Variants in DTHD1 observed in about 807,000 individuals in gnomAD.
The protein encoded by DTHD1 is death domain-containing protein 1.
A neutral mutation model predicts 74.8 loss-of-function variants in DTHD1; 59 were observed. That is an observed-to-expected ratio of 0.79 (90% confidence interval 0.64 to 0.98). The LOEUF (loss-of-function observed/expected upper bound fraction) is 0.98, where lower values mean the gene tolerates loss of function less well. Among genes scored for constraint, DTHD1 ranks in the 50% least tolerant of loss-of-function variants. The pLI is 0.00. For synonymous variants in DTHD1, 365 were observed against 371.1 expected (o/e 0.98, Z 0.19); for missense variants, 1,051 against 1,065.4 (o/e 0.99, Z 0.19).
At chr4:36,338,023 T>C (rs1759106858) in intron 8 of DTHD1, among the ~76,000 whole-genome samples, 1 of 152,254 alleles carries the variant, frequency 6.6e-6, no homozygotes, top group African/African-American at 2.4e-5. Context: ...AATGTATATG[T>C]ATAGTTCTCT....
At chr4:36,286,498 C>T (rs569446319) in intron 2 of DTHD1, among the ~76,000 whole-genome samples, 15 of 152,296 alleles carry the variant, frequency 9.8e-5, no homozygotes, top group Middle Eastern at 3.4e-3. Flanking sequence ...TTGTCAATTC[C>T]CCCGTATAGC....
chr4:36,308,142 A>G (rs1757164160), intron 6 of DTHD1, 62 bp from the exon 7 acceptor site: 4 of 1,428,236 alleles, frequency 2.8e-6, no homozygotes, highest in Non-Finnish European at 3.8e-6. Context: ...GTGTTATTAG[A>G]TATCAGTGAT....
intron 8 of DTHD1, among the ~76,000 whole-genome samples, chr4:36,318,281 G>A (rs1480410816): frequency 6.6e-6 from 1 of 152,154 alleles, no homozygotes; most frequent in Non-Finnish European, 1.5e-5. Flanking sequence ...GATACAAGAT[G>A]GATTTTAGGG....
chr4:36,331,496 T>C (rs1002238711), intron 8 of DTHD1, among the ~76,000 whole-genome samples: 1 of 152,158 alleles, frequency 6.6e-6, no homozygotes, highest in Non-Finnish European at 1.5e-5. Flanking sequence ...AAAATACTAA[T>C]TATATATACT....
At chr4:36,334,358 GTTTTTT>G (rs34455692) in intron 8 of DTHD1, among the ~76,000 whole-genome samples, 91 of 138,926 alleles carry the variant, frequency 6.6e-4, no homozygotes, top group African/African-American at 2.3e-3. Flanking sequence ...ATTTTTTTTG[GTTTTTT>G]TTTTTTTTTT....
At chr4:36,286,669 T>C (rs1447144811) in intron 2 of DTHD1, among the ~76,000 whole-genome samples, 1 of 152,236 alleles carries the variant, frequency 6.6e-6, no homozygotes, top group Admixed American at 6.5e-5. Flanking sequence ...GTGCAAACAC[T>C]GCAGAATGTG....
At chr4:36,318,612 CTTTT>C (rs397992934) in intron 8 of DTHD1, among the ~76,000 whole-genome samples, 2 of 111,804 alleles carry the variant, frequency 1.8e-5, no homozygotes, top group African/African-American at 3.5e-5. Context: ...TTTTTCTTTT[CTTTT>C]TTTTTTTTTT....
intron 5 of DTHD1, among the ~76,000 whole-genome samples, chr4:36,300,277 T>C (rs1257756768): frequency 6.6e-6 from 1 of 152,212 alleles, no homozygotes; most frequent in Non-Finnish European, 1.5e-5. Context: ...AACCATCTGC[T>C]ACTTACCTGG....
At chr4:36,319,526 G>A (rs1195367013) in intron 8 of DTHD1, among the ~76,000 whole-genome samples, 3 of 152,158 alleles carry the variant, frequency 2.0e-5, no homozygotes, top group African/African-American at 7.2e-5. Context: ...AAAGCCTCAC[G>A]TTGCTTTGCT....
At chr4:36,287,447 G>A (rs1755775633) in intron 2 of DTHD1, among the ~76,000 whole-genome samples, 1 of 152,186 alleles carries the variant, frequency 6.6e-6, no homozygotes, top group African/African-American at 2.4e-5. Flanking sequence ...CTATAAACAT[G>A]AGTATCCATG....
At chr4:36,300,901 T>C (rs1473610703) in intron 5 of DTHD1, among the ~76,000 whole-genome samples, 1 of 152,226 alleles carries the variant, frequency 6.6e-6, no homozygotes, top group Non-Finnish European at 1.5e-5. Flanking sequence ...GGTAGTGTAC[T>C]TAGAAGTATT....
chr4:36,329,767 A>G (rs932879814), intron 8 of DTHD1, among the ~76,000 whole-genome samples: 1 of 152,194 alleles, frequency 6.6e-6, no homozygotes, highest in Admixed American at 6.5e-5. Context: ...TCTGAGTAGA[A>G]CTCAGGTTGT....
At chr4:36,338,358 C>T (rs149950845) in intron 8 of DTHD1, among the ~76,000 whole-genome samples, 39 of 152,096 alleles carry the variant, frequency 2.6e-4, no homozygotes, top group African/African-American at 5.5e-4. Context: ...TATTTTTCCA[C>T]GAAAGAACAT....
intron 7 of DTHD1, among the ~76,000 whole-genome samples, chr4:36,310,220 G>C (rs893383085): frequency 6.6e-6 from 1 of 152,082 alleles, no homozygotes; most frequent in African/African-American, 2.4e-5. Context: ...GATGAGGAAA[G>C]CAAGCAGGAT....
intron 3 of DTHD1, 127 bp from the exon 4 acceptor site, chr4:36,293,399 A>C: frequency 1.4e-6 from 1 of 689,708 alleles, no homozygotes; most frequent in Non-Finnish European, 2.1e-6. Context: ...GGTTATTGGA[A>C]TCATTTTAAG....
Position 36,307,690 on chromosome 4 carries a change from T to C in DTHD1, c.1806-514T>C, listed in dbSNP as rs578097557. Among the ~76,000 whole-genome samples, 3 of 152,332 alleles carry C rather than the reference T, an allele frequency of 2.0e-5. No individual in the cohort carries two copies. The East Asian group carries it at 5.8e-4, about 29-fold the overall frequency. On this transcript the variant is annotated intron_variant, in intron 6 of 9. Coordinates refer to ENST00000639862, the MANE Select transcript of DTHD1 (RefSeq NM_001170700.3). ...TAATTATGGTATACATTCTGCATCC[T>C]ATGGAGTCAATAAATTATTGTGCTC...
At chr4:36,302,432 A>G (rs1231104069) in intron 5 of DTHD1, among the ~76,000 whole-genome samples, 1 of 152,224 alleles carries the variant, frequency 6.6e-6, no homozygotes, top group Non-Finnish European at 1.5e-5. Context: ...CGTTTCTCTC[A>G]GCTGTGTGGT....
intron 8 of DTHD1, among the ~76,000 whole-genome samples, chr4:36,326,961 TC>T (rs910939499): frequency 3.7e-5 from 5 of 136,510 alleles, no homozygotes; most frequent in Non-Finnish European, 8.1e-5. Context: ...GATTTGTTTT[TC>T]TTTTTTTTTT....
chr4:36,300,256 C>A (rs182072785), intron 5 of DTHD1, among the ~76,000 whole-genome samples: 1 of 152,152 alleles, frequency 6.6e-6, no homozygotes, highest in East Asian at 1.9e-4. Flanking sequence ...TTTGTTCCTA[C>A]CTCTGCTGAG....
Sources: allele counts gnomAD v4.1 joint callset (sites outside exome capture counted in the v4.1 genomes callset), GRCh38; gene constraint gnomAD v4.1.1; transcripts MANE v1.5; gene names NCBI Gene and HGNC (gene_info 2026-07-23, HGNC 2026-07-21).